CSMD3: variants seen among roughly 807,000 people sequenced by gnomAD.
CSMD3 encodes CUB and sushi domain-containing protein 3.
CSMD3 carries 177 observed loss-of-function variants against 435.2 expected under a neutral mutation model. That is an observed-to-expected ratio of 0.41 (90% CI 0.36 to 0.46). CSMD3 has a LOEUF of 0.46. Ranked by LOEUF, CSMD3 falls within the 20% of genes least tolerant of loss-of-function variation. The pLI, the probability that CSMD3 is intolerant of heterozygous loss-of-function variation, is 0.34. For missense variants in CSMD3, 4,265 were observed against 4,504.6 expected, an observed-to-expected ratio of 0.95 and a Z score of 1.52; for synonymous variants, 1,656 against 1,520.5, an observed-to-expected ratio of 1.09 and a Z score of -2.07.
At chr8:113,368,692 C>T (rs879008488) in intron 1 of CSMD3, among the ~76,000 whole-genome samples, 19 of 152,144 alleles carry the variant, frequency 1.2e-4, no homozygotes, top group Admixed American at 1.0e-3. Flanking sequence ...CCTGATGACA[C>T]GTCAATAATC....
chr8:113,420,003 A>G (rs1430569185), intron 1 of CSMD3, among the ~76,000 whole-genome samples: 3 of 152,198 alleles, frequency 2.0e-5, no homozygotes, highest in East Asian at 3.8e-4. Context: ...GTAATTTGAA[A>G]CTAACAAAAG....
rs1424784962 is a variant in CSMD3 at position 112,301,953 on chromosome 8, T to G, written c.8280A>C (p.Gly2760=). The G allele has an allele frequency of 6.2e-7, 1 of 1,605,154 alleles. No individual in the cohort carries two copies. The highest frequency in any genetic ancestry group is 1.3e-5 in the African/African-American group (1 of 74,736). Residue 2760 remains glycine, a synonymous_variant, in exon 53 of 71, where the codon GGA becomes GGC. Coordinates refer to ENST00000297405, the MANE Select transcript of CSMD3 (RefSeq NM_198123.2). ...ERPYCQIISC[G]ELPTPPNGNK... is the part of the protein sequence containing the mutation. ...TTCCATTTGGAGGTGTAGGTAGTTC[T>G]CCACAGGAAATAACTTTAAAATGAT...
chr8:112,542,470 T>C (rs1272113074), intron 27 of CSMD3, among the ~76,000 whole-genome samples: 1 of 151,836 alleles, frequency 6.6e-6, no homozygotes, highest in African/African-American at 2.4e-5. Context: ...AGTTTCAGGA[T>C]ACAAAATCAA....
intron 38 of CSMD3, among the ~76,000 whole-genome samples, chr8:112,375,393 C>T (rs16883488): frequency 0.027 from 4,120 of 152,200 alleles, 171 homozygotes; most frequent in African/African-American, 0.094. Flanking sequence ...GCTTAAATTA[C>T]AACTAGTATG....
rs188189487 is a variant in CSMD3 at position 112,607,648 on chromosome 8, T to G, written c.3716-20413A>C. On this transcript the variant is annotated intron_variant, in intron 22 of 70. Transcript: ENST00000297405. ...AGATTTATCCCTGGGATGCAATATG[T>G]TTCAGTTTACTGTACAGATACTAAT... Among the ~76,000 whole-genome samples the G allele has an allele frequency of 5.3e-5, 8 of 152,268 alleles. No individual in the cohort carries two copies. The East Asian group carries it at 1.5e-3, about 29-fold the overall frequency.
chr8:113,217,363 A>T (rs1361785396), intron 3 of CSMD3, among the ~76,000 whole-genome samples: 1 of 151,664 alleles, frequency 6.6e-6, no homozygotes, highest in East Asian at 1.9e-4. Context: ...TGATCAGACA[A>T]AATAGGATTC....
intron 13 of CSMD3, among the ~76,000 whole-genome samples, chr8:112,757,809 T>G (rs1440611364): frequency 6.6e-6 from 1 of 150,770 alleles, no homozygotes. Context: ...ATCCCAACAC[T>G]TTGGGAGGCT....
chr8:112,645,474 C>T (rs1313617394), intron 19 of CSMD3, among the ~76,000 whole-genome samples: 2 of 152,110 alleles, frequency 1.3e-5, no homozygotes, highest in African/African-American at 4.8e-5. Flanking sequence ...TAATACATTT[C>T]TAATTATAAG....
chr8:112,912,963 G>A (rs1253941591), intron 10 of CSMD3, among the ~76,000 whole-genome samples: 2 of 151,976 alleles, frequency 1.3e-5, no homozygotes, highest in Non-Finnish European at 1.5e-5. Context: ...GAAAAAAAAT[G>A]TTCATACTCC....
intron 5 of CSMD3, among the ~76,000 whole-genome samples, chr8:113,063,903 A>T (rs1431371084): frequency 2.0e-5 from 3 of 147,576 alleles, no homozygotes; most frequent in African/African-American, 7.3e-5. Flanking sequence ...GTGATACAGT[A>T]TTATTAAGTT....
intron 4 of CSMD3, among the ~76,000 whole-genome samples, chr8:113,109,390 T>G (rs1358560351): frequency 6.6e-6 from 1 of 152,162 alleles, no homozygotes; most frequent in African/African-American, 2.4e-5. Flanking sequence ...AGAGGCAAAT[T>G]GCCCTCTGAC....
At chr8:112,540,717 G>GTATATATATA (rs1826586241) in intron 27 of CSMD3, among the ~76,000 whole-genome samples, 1 of 151,884 alleles carries the variant, frequency 6.6e-6, no homozygotes, top group African/African-American at 2.4e-5. Context: ...TATATATGGG[G>GTATATATATA]GCTAACAAAA....
chr8:113,008,336 T>C (rs2086133741), intron 6 of CSMD3, among the ~76,000 whole-genome samples: 1 of 151,790 alleles, frequency 6.6e-6, no homozygotes, highest in African/African-American at 2.4e-5. Context: ...AAAATGACAC[T>C]GTATCATGTT....
chr8:112,380,494 T>TA, intron 37 of CSMD3, 38 bp from the exon 38 acceptor site: 1 of 966,630 alleles, frequency 1.0e-6, no homozygotes, highest in African/African-American at 1.6e-5. Context: ...AATGACCACA[T>TA]AATAAGTACT....
At chr8:112,351,459 G>GA (rs1826128229) in intron 39 of CSMD3, among the ~76,000 whole-genome samples, 1 of 151,872 alleles carries the variant, frequency 6.6e-6, no homozygotes, top group Non-Finnish European at 1.5e-5. Context: ...GATAGTGGTA[G>GA]AAAAAATAAT....
chr8:113,329,897 G>T (rs2094014250), intron 1 of CSMD3, among the ~76,000 whole-genome samples: 1 of 151,962 alleles, frequency 6.6e-6, no homozygotes, highest in Admixed American at 6.6e-5. Flanking sequence ...AATAAAAACT[G>T]CTAAAATGCA....
intron 13 of CSMD3, among the ~76,000 whole-genome samples, chr8:112,742,674 C>T (rs2077338635): frequency 6.6e-6 from 1 of 151,754 alleles, no homozygotes; most frequent in Non-Finnish European, 1.5e-5. Context: ...AAACATGACC[C>T]ATCTGCCTGT....
At chr8:112,433,672 AGAAAGAAAG>A (rs1813993866) in intron 32 of CSMD3, among the ~76,000 whole-genome samples, 1 of 127,184 alleles carries the variant, frequency 7.9e-6, no homozygotes, top group African/African-American at 2.7e-5. Flanking sequence ...AAAAAAAAAA[AGAAAGAAAG>A]AAAGAAAAAA....
chr8:112,381,625 T>C (rs963906424), intron 37 of CSMD3, among the ~76,000 whole-genome samples: 4 of 152,168 alleles, frequency 2.6e-5, no homozygotes, highest in African/African-American at 9.6e-5. Flanking sequence ...AGAAAGAATT[T>C]ATTACACAGC....
Sources: allele counts gnomAD v4.1 joint callset (sites outside exome capture counted in the v4.1 genomes callset), GRCh38; gene constraint gnomAD v4.1.1; transcripts MANE v1.5; gene names NCBI Gene and HGNC (gene_info 2026-07-23, HGNC 2026-07-21).